Variants in HPSE2 observed in about 807,000 individuals in gnomAD.
HPSE2 encodes heparanase 2 (inactive).
HPSE2 carries 38 observed loss-of-function variants against 60.5 expected under a neutral mutation model. The observed-to-expected ratio is 0.63, with a 90% CI of 0.48 to 0.82. HPSE2 has a LOEUF of 0.82. HPSE2 is among the 40% of genes least tolerant of loss of function. The pLI is 0.00. For synonymous variants in HPSE2, 295 were observed against 293.2 expected, an observed-to-expected ratio of 1.01 and a Z score of -0.06; for missense variants, 713 against 740.4, an observed-to-expected ratio of 0.96 and a Z score of 0.43.
intron 3 of HPSE2, among the ~76,000 whole-genome samples, chr10:98,999,518 A>C (rs1956728625): frequency 6.6e-6 from 1 of 152,196 alleles, no homozygotes. Context: ...TCTGACTTCA[A>C]ATCTCTTGTT....
At chr10:98,970,254 C>G (rs145842198) in intron 3 of HPSE2, among the ~76,000 whole-genome samples, 9 of 151,958 alleles carry the variant, frequency 5.9e-5, no homozygotes, top group Non-Finnish European at 1.0e-4. Context: ...TGAGCCACCA[C>G]GCCCGGCCTG....
intron 3 of HPSE2, among the ~76,000 whole-genome samples, chr10:98,910,031 G>A (rs1953936179): frequency 6.6e-6 from 1 of 152,124 alleles, no homozygotes; most frequent in Admixed American, 6.6e-5. Context: ...TCTGAAAGGA[G>A]ACCATAATGC....
chr10:99,160,224 A>G (rs1027380957), intron 2 of HPSE2, among the ~76,000 whole-genome samples: 1 of 152,078 alleles, frequency 6.6e-6, no homozygotes, highest in African/African-American at 2.4e-5. Context: ...AGAATGTTTT[A>G]CACCTTGATA....
At chr10:99,017,354 C>G (rs1307836300) in intron 3 of HPSE2, among the ~76,000 whole-genome samples, 3 of 152,164 alleles carry the variant, frequency 2.0e-5, no homozygotes, top group Non-Finnish European at 4.4e-5. Context: ...TTGCACCAAC[C>G]TTGCATCCCA....
intron 3 of HPSE2, among the ~76,000 whole-genome samples, chr10:98,888,494 A>G (rs1953237782): frequency 6.6e-6 from 1 of 152,234 alleles, no homozygotes; most frequent in African/African-American, 2.4e-5. Flanking sequence ...TAATGGAATC[A>G]GATATCATCT....
intron 9 of HPSE2, among the ~76,000 whole-genome samples, chr10:98,498,027 A>G (rs1445799400): frequency 1.3e-5 from 2 of 152,182 alleles, no homozygotes; most frequent in Non-Finnish European, 1.5e-5. Context: ...AAAGACAAAC[A>G]CTTTTCTTTA....
chr10:99,103,885 AG>A (rs1239262775), intron 3 of HPSE2, among the ~76,000 whole-genome samples: 1 of 152,246 alleles, frequency 6.6e-6, no homozygotes, highest in Non-Finnish European at 1.5e-5. Flanking sequence ...AAATGGGGAA[AG>A]GGTTCCCTAT....
At chr10:98,623,218 C>G (rs1025733043) in intron 7 of HPSE2, among the ~76,000 whole-genome samples, 2 of 152,080 alleles carry the variant, frequency 1.3e-5, no homozygotes, top group African/African-American at 4.8e-5. Context: ...AAGCCAGACA[C>G]AGAAGGCCGC....
chr10:99,063,753 T>G (rs572677364), intron 3 of HPSE2, among the ~76,000 whole-genome samples: 1 of 152,346 alleles, frequency 6.6e-6, no homozygotes, highest in Non-Finnish European at 1.5e-5. Flanking sequence ...ATAAATGTGC[T>G]TATATGTGCA....
At chr10:98,485,083 G>C (rs2133658997) in intron 10 of HPSE2, among the ~76,000 whole-genome samples, 1 of 152,320 alleles carries the variant, frequency 6.6e-6, no homozygotes, top group African/African-American at 2.4e-5. Flanking sequence ...CTAATTAAGA[G>C]TTGAGTGACC....
At chr10:99,227,623 T>C (rs1256101530) in intron 2 of HPSE2, among the ~76,000 whole-genome samples, 1 of 151,860 alleles carries the variant, frequency 6.6e-6, no homozygotes, top group East Asian at 1.9e-4. Context: ...CTTCAGTCAT[T>C]TCTCCACTGG....
intron 3 of HPSE2, among the ~76,000 whole-genome samples, chr10:98,774,270 T>C (rs1285200687): frequency 6.6e-6 from 1 of 152,058 alleles, no homozygotes; most frequent in Non-Finnish European, 1.5e-5. Context: ...CTTTTACAGT[T>C]CTCCTTGGCA....
At chr10:98,796,295 T>G (rs998155769) in intron 3 of HPSE2, among the ~76,000 whole-genome samples, 1 of 151,764 alleles carries the variant, frequency 6.6e-6, no homozygotes, top group African/African-American at 2.4e-5. Context: ...GGAGCTCACT[T>G]CCCTGAAGAG....
At chr10:98,763,669 A>C (rs1256595095) in intron 3 of HPSE2, among the ~76,000 whole-genome samples, 1 of 151,996 alleles carries the variant, frequency 6.6e-6, no homozygotes, top group African/African-American at 2.4e-5. Context: ...TATCATAAGA[A>C]ACTATGGAGA....
At chr10:99,165,302 G>A (rs1163533882) in intron 2 of HPSE2, among the ~76,000 whole-genome samples, 1 of 151,606 alleles carries the variant, frequency 6.6e-6, no homozygotes, top group Non-Finnish European at 1.5e-5. Flanking sequence ...TTTTTCTTTA[G>A]CCTTACAGTG....
the HPSE2 span, among the ~76,000 whole-genome samples, chr10:99,264,121 T>C: frequency 6.7e-6 from 1 of 150,128 alleles, no homozygotes; most frequent in South Asian, 2.2e-4. Flanking sequence ...GGAGTCTCAC[T>C]CTGTCGCCCA....
chr10:98,999,192 T>TGTGTGC (rs1564725806), intron 3 of HPSE2, among the ~76,000 whole-genome samples: 2 of 151,514 alleles, frequency 1.3e-5, no homozygotes, highest in Non-Finnish European at 2.9e-5. Flanking sequence ...TGTGTGTGTG[T>TGTGTGC]GTGCATGTGT....
the HPSE2 span, among the ~76,000 whole-genome samples, chr10:99,244,512 C>T: frequency 0.88 from 128,928 of 147,204 alleles, 56,672 homozygotes; most frequent in African/African-American, 0.94. Context: ...ACTCAAGCAA[C>T]CCTCTCACTT....
the HPSE2 span, among the ~76,000 whole-genome samples, chr10:99,261,275 G>A: frequency 6.6e-5 from 10 of 152,010 alleles, no homozygotes; most frequent in Admixed American, 1.3e-4. Context: ...TTGCCAGGCC[G>A]AGCCAGGTCC....
Sources: allele counts gnomAD v4.1 joint callset (sites outside exome capture counted in the v4.1 genomes callset), GRCh38; gene constraint gnomAD v4.1.1; transcripts MANE v1.5; gene names NCBI Gene and HGNC (gene_info 2026-07-23, HGNC 2026-07-21).